Variants in SLC24A4 observed in about 807,000 individuals in gnomAD.
The protein encoded by SLC24A4 is solute carrier family 24 member 4.
A neutral mutation model predicts 79.0 loss-of-function variants in SLC24A4; 53 were observed. The observed-to-expected ratio is 0.67, with a 90% confidence interval of 0.54 to 0.84. The LOEUF is 0.84. Ranked by LOEUF, SLC24A4 falls within the 40% of genes least tolerant of loss-of-function variation. The probability of loss-of-function intolerance (pLI) is 0.00; values close to 1 mark genes in which losing one functional copy is unlikely to be tolerated. For synonymous variants in SLC24A4, 323 were observed against 323.8 expected, an observed-to-expected ratio of 1.00 and a Z score of 0.03; for missense variants, 731 against 822.0, an observed-to-expected ratio of 0.89 and a Z score of 1.35.
chr14:92,436,997 A>G lies in SLC24A4; in HGVS notation c.319-2338A>G, dbSNP rs376212394. On this transcript the variant is annotated intron_variant, in intron 3 of 16. Transcript: ENST00000532405. The stretch of plus-strand genomic sequence containing the variant: ...CAGATGCCCTGGATGCAGCTAATGT[A>G]TCTTCTACTTTATTAATCCCAATGA... 2.5e-4 allele frequency among the ~76,000 whole-genome samples: 38 copies of G among 152,322 alleles called. No homozygotes were observed. In the East Asian group the frequency reaches 4.8e-3, roughly 19 times the overall value.
chr14:92,400,174 C>T (rs893669638), intron 2 of SLC24A4, among the ~76,000 whole-genome samples: 5 of 152,178 alleles, frequency 3.3e-5, no homozygotes, highest in East Asian at 1.9e-4. Flanking sequence ...AGCGTGGTGG[C>T]TCACGCCTGT....
rs1892572492 is a variant in SLC24A4 at position 92,442,779 on chromosome 14, T to C, written c.545T>C (p.Leu182Pro). The change falls in exon 6 of 17, where the codon CTG (leucine) becomes CCG (proline). Residue 182 changes from leucine (L) to proline (P), a missense_variant. Leu to Pro is a moderately conservative substitution (Grantham distance 98). Coordinates refer to ENST00000532405, the MANE Select transcript of SLC24A4 (RefSeq NM_153646.4). ...GTGGGCTCTGCTGTGTTCAACATCC[T>C]GTGCATAATTGGAGTGTGCGGACTG... ...TIVGSAVFNI[L>P]CIIGVCGLFA... 6.2e-7 allele frequency: 1 copy of C among 1,614,198 alleles called. No homozygotes were observed. Among genetic ancestry groups the C allele is most frequent in the South Asian group, 1.1e-5 (1 of 91,090 alleles).
intron 2 of SLC24A4, among the ~76,000 whole-genome samples, chr14:92,365,845 C>A (rs1160380675): frequency 6.6e-6 from 1 of 152,100 alleles, no homozygotes; most frequent in Admixed American, 6.6e-5. Flanking sequence ...TGCCCAAGGT[C>A]GCATGGTGTA....
intron 2 of SLC24A4, among the ~76,000 whole-genome samples, chr14:92,347,572 TGTTA>T (rs1886611043): frequency 6.6e-6 from 1 of 152,252 alleles, no homozygotes; most frequent in African/African-American, 2.4e-5. Flanking sequence ...TTCCTAACAT[TGTTA>T]CTTGGCTTTC....
At chr14:92,368,579 A>G (rs1887983097) in intron 2 of SLC24A4, among the ~76,000 whole-genome samples, 1 of 152,188 alleles carries the variant, frequency 6.6e-6, no homozygotes, top group Non-Finnish European at 1.5e-5. Context: ...CATTACAGGA[A>G]CAGTGAAAGG....
chr14:92,493,570 T>A lies in SLC24A4; in HGVS notation c.1811T>A (p.Met604Lys). 6.2e-7 allele frequency: 1 copy of A among 1,614,196 alleles called. No individual in the cohort carries two copies. Among genetic ancestry groups the A allele is most frequent in the Non-Finnish European group, 8.5e-7 (1 of 1,180,026 alleles). ...LYAIFLCFSI[M>K]IEFNVFTFVN... ...GCCATCTTCTTGTGCTTCTCCATAA[T>A]GATAGAGTTTAACGTCTTTACCTTC... The change falls in exon 17 of 17, where the codon ATG becomes AAG. Residue 604 changes from methionine (M) to lysine (K), a missense_variant. Coordinates refer to ENST00000532405, the MANE Select transcript of SLC24A4 (RefSeq NM_153646.4).
intron 2 of SLC24A4, among the ~76,000 whole-genome samples, chr14:92,341,762 G>A (rs887261429): frequency 4.6e-5 from 7 of 152,328 alleles, no homozygotes; most frequent in Admixed American, 3.3e-4. Flanking sequence ...ATGGGGCCAC[G>A]TGCTGGAGGG....
chr14:92,487,837 C>A (rs538426993), intron 14 of SLC24A4, among the ~76,000 whole-genome samples: 8 of 152,108 alleles, frequency 5.3e-5, no homozygotes, highest in East Asian at 1.9e-4. Flanking sequence ...AGGGGAGGAA[C>A]CTTCCTTGCC....
intron 2 of SLC24A4, among the ~76,000 whole-genome samples, chr14:92,349,856 G>A (rs951941937): frequency 5.3e-5 from 8 of 152,308 alleles, no homozygotes; most frequent in Non-Finnish European, 8.8e-5. Context: ...AATAGCAGAT[G>A]TCTCCTTTTT....
chr14:92,323,762 G>C lies in SLC24A4; in HGVS notation c.-69G>C. 1 of 1,498,904 alleles carries C rather than the reference G, an allele frequency of 6.7e-7. No individual in the cohort carries two copies. The highest frequency in any genetic ancestry group is 2.1e-5 in the Admixed American group (1 of 48,076). 92.9% of individuals were successfully genotyped at this position (1,498,904 alleles called of 1,614,324 possible). A position where few individuals can be genotyped will look rare whatever the true frequency, so the allele number is the denominator to read the frequency against. On this transcript the variant is annotated 5_prime_UTR_variant, in exon 1 of 17. Transcript: ENST00000532405. The surrounding 1 kb of genome is among the most constrained non-coding windows in gnomAD (Gnocchi z 4.9). ...CCTGCTCCAGCCCCAGCGCCGCTCG[G>C]CCACTGATTGCACTCTGGCCGCTGA...
At chr14:92,391,359 G>A (rs984120819) in intron 2 of SLC24A4, among the ~76,000 whole-genome samples, 5 of 152,148 alleles carry the variant, frequency 3.3e-5, no homozygotes, top group Non-Finnish European at 5.9e-5. Flanking sequence ...CCCAACCCTT[G>A]TGCCAACCCC....
intron 5 of SLC24A4, 75 bp downstream of exon 5, chr14:92,442,248 T>A: frequency 8.4e-7 from 1 of 1,197,344 alleles, no homozygotes; most frequent in Non-Finnish European, 1.2e-6. Context: ...GGGGCATTTG[T>A]CAGCTCTGAG....
chr14:92,458,079 C>T (rs59018106), intron 12 of SLC24A4, among the ~76,000 whole-genome samples: 32,731 of 152,092 alleles, frequency 0.22, 3,633 homozygotes, highest in Middle Eastern at 0.3. Context: ...GCATGCTCGT[C>T]GCAGCTATCC....
chr14:92,389,099 C>A (rs1889327141), intron 2 of SLC24A4, among the ~76,000 whole-genome samples: 1 of 152,166 alleles, frequency 6.6e-6, no homozygotes, highest in African/African-American at 2.4e-5. Context: ...TGAGGATGAA[C>A]CCCATCAGCC....
chr14:92,347,114 C>G (rs939479444), intron 2 of SLC24A4, among the ~76,000 whole-genome samples: 7 of 152,156 alleles, frequency 4.6e-5, no homozygotes, highest in African/African-American at 1.4e-4. Context: ...ACTCTATATT[C>G]TTATTTTAAA....
In SLC24A4 at chr14:92,501,163, C is replaced by G. The variant is rs1182496853; in HGVS notation, c.*7535C>G. 4 of 152,188 alleles carry G rather than the reference C, an allele frequency of 2.6e-5. No homozygotes were observed. The highest frequency in any genetic ancestry group is 9.7e-5 in the African/African-American group (4 of 41,420). The allele number at this position is 152,188 out of a possible 1,614,324, so 9.4% of individuals were successfully genotyped here. ...ACACCACCATCTTTGTTCATTCTCTCTCTAATGGGCAAAGCAGGATCATCG... is the reference window on the plus strand; with the variant it reads ...ACACCACCATCTTTGTTCATTCTCTGTCTAATGGGCAAAGCAGGATCATCG... On this transcript the variant is annotated 3_prime_UTR_variant, in exon 17 of 17. Coordinates refer to ENST00000532405, the MANE Select transcript of SLC24A4 (RefSeq NM_153646.4).
chr14:92,389,850 A>G (rs1889367693), intron 2 of SLC24A4, among the ~76,000 whole-genome samples: 1 of 151,876 alleles, frequency 6.6e-6, no homozygotes, highest in South Asian at 2.1e-4. Flanking sequence ...GGGCTCCTAC[A>G]CTTTGCAGCT....
chr14:92,438,450 AAAT>A (rs983561750), intron 3 of SLC24A4, among the ~76,000 whole-genome samples: 6 of 148,810 alleles, frequency 4.0e-5, no homozygotes, highest in Non-Finnish European at 8.8e-5. Context: ...ATCTCTACAA[AAAT>A]AATAATAATA....
chr14:92,351,469 A>T (rs1176545889), intron 2 of SLC24A4, among the ~76,000 whole-genome samples: 1 of 152,080 alleles, frequency 6.6e-6, no homozygotes, highest in African/African-American at 2.4e-5. Flanking sequence ...TTGTTACATG[A>T]AAAAAAATAT....
Sources: gnomAD v4.1 joint callset for allele counts (sites outside exome capture counted in the v4.1 genomes callset) on GRCh38, gnomAD v4.1.1 for gene constraint, Gnocchi (gnomAD v3.1) non-coding constraint, MANE v1.5 for transcripts, NCBI Gene and HGNC (gene_info 2026-07-23, HGNC 2026-07-21) for gene names.